JAM3: variants seen among roughly 807,000 people sequenced by gnomAD.
The protein encoded by JAM3 is junctional adhesion molecule 3.
In JAM3, 31 loss-of-function variants were observed where a neutral mutation model predicts 39.4. That is an observed-to-expected ratio of 0.79 (90% CI 0.59 to 1.06). The LOEUF (loss-of-function observed/expected upper bound fraction) is 1.06. Ranked by LOEUF, JAM3 falls within the 50% of genes least tolerant of loss-of-function variation. JAM3 has a pLI of 0.00. For synonymous variants in JAM3, 182 were observed against 148.7 expected (o/e 1.22, Z -1.63); for missense variants, 455 against 391.4 (o/e 1.16, Z -1.37).
chr11:134,124,016 TCCCG>T, intron 1 of JAM3: 1 of 1,478,044 alleles, frequency 6.8e-7, no homozygotes, highest in Non-Finnish European at 9.4e-7. Context: ...CCCTTCCCAA[TCCCG>T]CAACACAAGG....
intron 1 of JAM3, among the ~76,000 whole-genome samples, chr11:134,134,413 A>C (rs1025510318): frequency 1.1e-4 from 16 of 151,396 alleles, no homozygotes; most frequent in Non-Finnish European, 2.1e-4. Flanking sequence ...AAAAAAAAAA[A>C]AAAAAAAAAC....
At chr11:134,087,600 C>G (rs922707179) in intron 1 of JAM3, among the ~76,000 whole-genome samples, 1 of 152,152 alleles carries the variant, frequency 6.6e-6, no homozygotes, top group Non-Finnish European at 1.5e-5. Context: ...CTTACGTATA[C>G]AGGTTGTTGG....
intron 1 of JAM3, among the ~76,000 whole-genome samples, chr11:134,092,052 C>A (rs887903637): frequency 1.3e-5 from 2 of 152,018 alleles, no homozygotes; most frequent in African/African-American, 4.8e-5. Context: ...TCTTTTCATC[C>A]CCTTTCGCAG....
chr11:134,145,725 C>T (rs999267260), intron 5 of JAM3, among the ~76,000 whole-genome samples: 1 of 152,164 alleles, frequency 6.6e-6, no homozygotes, highest in Admixed American at 6.5e-5. Flanking sequence ...CCTCCCATTT[C>T]GGATGTTGCC....
chr11:134,091,036 A>G (rs931939346), intron 1 of JAM3, among the ~76,000 whole-genome samples: 1 of 152,158 alleles, frequency 6.6e-6, no homozygotes, highest in African/African-American at 2.4e-5. Flanking sequence ...AGATTCCTAC[A>G]GGGTTCATTC....
In JAM3 at chr11:134,149,460, G is replaced by A. The variant is rs951377695; in HGVS notation, c.*279G>A. ...CTAATCTGTTTCTGGCCTGATTCCC[G>A]CATGAGTATTAGGGTGATCTTAAAG... On this transcript the variant is annotated 3_prime_UTR_variant, in exon 9 of 9. Coordinates refer to ENST00000299106, the MANE Select transcript of JAM3 (RefSeq NM_032801.5). 4.5e-5 allele frequency: 26 copies of A among 577,870 alleles called. No homozygotes were observed. Among genetic ancestry groups the A allele is most frequent in the South Asian group, 1.2e-4 (6 of 52,048 alleles). The allele number at this position is 577,870 out of a possible 1,614,324, so 35.8% of individuals were successfully genotyped here. A position where few individuals can be genotyped will look rare whatever the true frequency, so the allele number is the denominator to read the frequency against.
chr11:134,121,100 G>A (rs1407093822), intron 1 of JAM3, among the ~76,000 whole-genome samples: 1 of 152,132 alleles, frequency 6.6e-6, no homozygotes, highest in East Asian at 1.9e-4. Context: ...CAGAGGCTGG[G>A]GACAGTGCAG....
In JAM3 at chr11:134,105,797, T is replaced by G. The variant is rs1383469617; in HGVS notation, c.77-34054T>G. ...CTAGGAATCCAACTTACAAGGGATG[T>G]GAAGGACCTCTTCAAGGAGAACTAG... On this transcript the variant is annotated intron_variant, in intron 1 of 8. Transcript: ENST00000299106. Among the ~76,000 whole-genome samples the G allele has an allele frequency of 2.6e-5, 4 of 152,188 alleles. No individual in the cohort carries two copies. In the East Asian group the frequency reaches 5.8e-4, roughly 22 times the overall value.
chr11:134,148,489 C>A, intron 6 of JAM3, 58 bp from the exon 7 acceptor site: 1 of 1,612,378 alleles, frequency 6.2e-7, no homozygotes, highest in Non-Finnish European at 8.5e-7. Context: ...AGGGCCAGGG[C>A]CTTTTTAAAT....
chr11:134,149,314 A>C lies in JAM3; in HGVS notation c.*133A>C, dbSNP rs746282960. 46 of 1,002,008 alleles carry C rather than the reference A, an allele frequency of 4.6e-5. No homozygotes were observed. The highest frequency in any genetic ancestry group is 6.9e-5 in the Non-Finnish European group (45 of 653,660). The allele number at this position is 1,002,008 out of a possible 1,614,324, so 62.1% of individuals were successfully genotyped here. A position where few individuals can be genotyped will look rare whatever the true frequency, so the allele number is the denominator to read the frequency against. On this transcript the variant is annotated 3_prime_UTR_variant, in exon 9 of 9. Transcript: ENST00000299106. Reference sequence around the variant, plus strand: ...ATTCAGAAGCTTTTCGTTTTGGCCAAAGTTGACCACTACTCTTCTTACTCT... The same window carrying C: ...ATTCAGAAGCTTTTCGTTTTGGCCACAGTTGACCACTACTCTTCTTACTCT...
In JAM3 at chr11:134,144,778, C is replaced by CGTT. The variant is rs3216140; in HGVS notation, c.410-14_410-13insGTT. On this transcript the variant is annotated splice_polypyrimidine_tract_variant and intron_variant, in intron 4 of 8. Transcript: ENST00000299106. Reference sequence around the variant, plus strand: ...GTCACTGAGATCTTAAACACCACCCCTTTTTCCCCACAGTGAAGCCAGTGA... The same window carrying CGTT: ...GTCACTGAGATCTTAAACACCACCCCGTTTTTTTCCCCACAGTGAAGCCAGTGA... The CGTT allele has an allele frequency of 6.2e-7, 1 of 1,609,076 alleles. No homozygotes were observed. Among genetic ancestry groups the CGTT allele is most frequent in the African/African-American group, 1.3e-5 (1 of 74,546 alleles).
At chr11:134,089,692 T>C (rs1476315654) in intron 1 of JAM3, among the ~76,000 whole-genome samples, 1 of 152,262 alleles carries the variant, frequency 6.6e-6, no homozygotes, top group Non-Finnish European at 1.5e-5. Context: ...CCACATTTTC[T>C]TAATCCAGTC....
At chr11:134,082,429 A>G (rs1007795265) in intron 1 of JAM3, among the ~76,000 whole-genome samples, 2 of 152,018 alleles carry the variant, frequency 1.3e-5, no homozygotes, top group Non-Finnish European at 2.9e-5. Context: ...TCCCACCCAA[A>G]TCTCATCTTG....
At chr11:134,148,382 C>A in intron 6 of JAM3, 165 bp from the exon 7 acceptor site, 2 of 760,794 alleles carry the variant, frequency 2.6e-6, no homozygotes, top group East Asian at 2.6e-5. Context: ...CCTATATGTT[C>A]TAGGCTAGAA....
At chr11:134,113,149 C>A (rs151067539) in intron 1 of JAM3, among the ~76,000 whole-genome samples, 2 of 150,612 alleles carry the variant, frequency 1.3e-5, no homozygotes, top group East Asian at 3.9e-4. Context: ...ACAAATGAAT[C>A]TTTTACAGAG....
chr11:134,113,733 G>C (rs1836453932), intron 1 of JAM3, among the ~76,000 whole-genome samples: 1 of 152,324 alleles, frequency 6.6e-6, no homozygotes, highest in African/African-American at 2.4e-5. Flanking sequence ...GGGTCAAAAG[G>C]TATTTCTAGT....
intron 1 of JAM3, among the ~76,000 whole-genome samples, chr11:134,115,215 A>C (rs1486029586): frequency 2.0e-5 from 3 of 152,168 alleles, no homozygotes; most frequent in African/African-American, 7.2e-5. Context: ...TCTTTTGGCT[A>C]GTGTTAACTT....
At chr11:134,091,979 G>A (rs1453965608) in intron 1 of JAM3, among the ~76,000 whole-genome samples, 1 of 152,018 alleles carries the variant, frequency 6.6e-6, no homozygotes, top group Non-Finnish European at 1.5e-5. Flanking sequence ...TCTACTTCTA[G>A]TCATTTCTGT....
chr11:134,081,029 G>A (rs1446205172), intron 1 of JAM3, among the ~76,000 whole-genome samples: 3 of 151,790 alleles, frequency 2.0e-5, no homozygotes, highest in Non-Finnish European at 4.4e-5. Flanking sequence ...GTGGCATTTT[G>A]CCCCTGCCCT....
Sources: allele counts gnomAD v4.1 joint callset (sites outside exome capture counted in the v4.1 genomes callset), GRCh38; gene constraint gnomAD v4.1.1; transcripts MANE v1.5; gene names NCBI Gene and HGNC (gene_info 2026-07-23, HGNC 2026-07-21).